BCL2: variants seen among roughly 807,000 people sequenced by gnomAD.
The protein encoded by BCL2 is apoptosis regulator Bcl-2.
BCL2 carries 1 observed loss-of-function variant against 14.2 expected under a neutral mutation model. The ratio of observed to expected loss-of-function variants is 0.07; its 90% CI spans 0.02 to 0.33. BCL2 has a LOEUF of 0.33. BCL2 is among the 10% of genes least tolerant of loss of function. BCL2 has a pLI of 0.99. For synonymous variants in BCL2, 151 were observed against 137.2 expected (o/e 1.10, Z -0.70); for missense variants, 247 against 305.9 (o/e 0.81, Z 1.44).
intron 2 of BCL2, among the ~76,000 whole-genome samples, chr18:63,169,348 T>C (rs1270703965): frequency 5.1e-5 from 3 of 58,470 alleles, no homozygotes; most frequent in African/African-American, 1.8e-4. Flanking sequence ...TTTCTTTCTT[T>C]CTTTCTTTCT....
chr18:63,161,484 C>T (rs532412539), intron 2 of BCL2, among the ~76,000 whole-genome samples: 19 of 152,160 alleles, frequency 1.2e-4, no homozygotes, highest in Non-Finnish European at 2.5e-4. Context: ...GGCCCTTGTA[C>T]TCCAAGACTT....
intron 2 of BCL2, among the ~76,000 whole-genome samples, chr18:63,209,761 T>C (rs914876084): frequency 5.3e-5 from 8 of 151,808 alleles, no homozygotes; most frequent in African/African-American, 1.9e-4. Flanking sequence ...AGCTAAGACC[T>C]AGGCTGGGGC....
intron 2 of BCL2, among the ~76,000 whole-genome samples, chr18:63,288,069 AT>A (rs1280978836): frequency 6.6e-6 from 1 of 152,234 alleles, no homozygotes; most frequent in Non-Finnish European, 1.5e-5. Flanking sequence ...ATTTTGGAAC[AT>A]TTATGTCACC....
chr18:63,179,927 T>C (rs756818617), intron 2 of BCL2, among the ~76,000 whole-genome samples: 5 of 152,222 alleles, frequency 3.3e-5, no homozygotes, highest in Non-Finnish European at 7.3e-5. Flanking sequence ...TGATTGATCA[T>C]TCATTTAGCT....
intron 2 of BCL2, among the ~76,000 whole-genome samples, chr18:63,303,945 T>A (rs978133425): frequency 1.3e-5 from 2 of 152,238 alleles, no homozygotes; most frequent in Non-Finnish European, 2.9e-5. Flanking sequence ...TTTAAACTGA[T>A]GTAAGGGCTA....
At chr18:63,164,837 T>C (rs1390500602) in intron 2 of BCL2, among the ~76,000 whole-genome samples, 3 of 152,216 alleles carry the variant, frequency 2.0e-5, no homozygotes, top group Non-Finnish European at 4.4e-5. Context: ...TTGGTAGCCC[T>C]GTAGATAGAT....
chr18:63,211,578 T>A (rs887550468), intron 2 of BCL2, among the ~76,000 whole-genome samples: 2 of 152,248 alleles, frequency 1.3e-5, no homozygotes, highest in African/African-American at 4.8e-5. Flanking sequence ...TTTTGGTAAC[T>A]CAACACTGTC....
In BCL2 at chr18:63,216,959, G is replaced by A. The variant is rs535693675; in HGVS notation, c.586-88200C>T. On this transcript the variant is annotated intron_variant, in intron 2 of 2. Transcript: ENST00000333681. ...GCCTTTTGTTAGACACATTCAGGGG[G>A]AGGATGGTGGCATCACGTTGAAGAA... 5.9e-5 allele frequency among the ~76,000 whole-genome samples: 9 copies of A among 152,174 alleles called. No homozygotes were observed. In the South Asian group the frequency reaches 1.9e-3, roughly 31 times the overall value.
At chr18:63,217,739 T>C (rs1416848456) in intron 2 of BCL2, among the ~76,000 whole-genome samples, 1 of 152,214 alleles carries the variant, frequency 6.6e-6, no homozygotes, top group Non-Finnish European at 1.5e-5. Context: ...TTTCCTTAAG[T>C]AAAATGCTAA....
intron 2 of BCL2, among the ~76,000 whole-genome samples, chr18:63,157,326 C>A (rs1016884115): frequency 6.6e-6 from 1 of 152,226 alleles, no homozygotes; most frequent in East Asian, 1.9e-4. Context: ...CCCTTCCCAT[C>A]CAAACAAGGA....
intron 2 of BCL2, among the ~76,000 whole-genome samples, chr18:63,297,102 G>T (rs1568261931): frequency 2.0e-5 from 3 of 151,958 alleles, no homozygotes; most frequent in African/African-American, 7.3e-5. Context: ...AGTCCCAGCT[G>T]CTTGGGAGGC....
rs1491465885 is a variant in BCL2 at position 63,266,637 on chromosome 18, T to TCTCTCTCTCTCACACA, written c.585+51444_585+51445insTGTGTGAGAGAGAGAG. ...CTCTCTCTCTCTCTCTCTCTCTCTC[T>TCTCTCTCTCTCACACA]CACACACACACACACACACAAAAAT... On this transcript the variant is annotated intron_variant, in intron 2 of 2. Transcript: ENST00000333681. 2.3e-3 allele frequency among the ~76,000 whole-genome samples: 197 copies of TCTCTCTCTCTCACACA among 85,974 alleles called. 3 individuals carry two copies. The East Asian group carries it at 0.065, about 28-fold the overall frequency. 56.4% of individuals were successfully genotyped at this position (85,974 alleles called of 152,430 possible). A position where few individuals can be genotyped will look rare whatever the true frequency, so the allele number is the denominator to read the frequency against.
chr18:63,258,115 G>A (rs1229802294), intron 2 of BCL2, among the ~76,000 whole-genome samples: 1 of 152,168 alleles, frequency 6.6e-6, no homozygotes, highest in Non-Finnish European at 1.5e-5. Flanking sequence ...GGACACACAG[G>A]GACACAGAGG....
At chr18:63,146,923 G>A (rs1213111016) in intron 2 of BCL2, among the ~76,000 whole-genome samples, 1 of 152,112 alleles carries the variant, frequency 6.6e-6, no homozygotes, top group Non-Finnish European at 1.5e-5. Context: ...CTTTAAATGC[G>A]AAAAAAATAA....
intron 2 of BCL2, among the ~76,000 whole-genome samples, chr18:63,275,468 G>C (rs997323374): frequency 2.0e-5 from 3 of 152,194 alleles, no homozygotes; most frequent in Non-Finnish European, 4.4e-5. Context: ...AAGGATGGAA[G>C]AGAACTTGGA....
Position 63,127,709 on chromosome 18 carries a change from C to T in BCL2, c.*916G>A, listed in dbSNP as rs563834758. The stretch of plus-strand genomic sequence containing the variant: ...GGCCTGATGCTCTGGGTAACTCTAG[C>T]CTTCCTGATGCGGAAGTCACCGAAA... On this transcript the variant is annotated 3_prime_UTR_variant, in exon 3 of 3. Transcript: ENST00000333681. 5 of 227,206 alleles carry T rather than the reference C, an allele frequency of 2.2e-5. No individual in the cohort carries two copies. The highest frequency in any genetic ancestry group is 1.1e-4 in the African/African-American group (5 of 45,110). The allele number at this position is 227,206 out of a possible 1,614,324, so 14.1% of individuals were successfully genotyped here.
chr18:63,266,656 C>CACACACAAAAAA (rs768525120), intron 2 of BCL2, among the ~76,000 whole-genome samples: 1 of 150,344 alleles, frequency 6.7e-6, no homozygotes, highest in African/African-American at 2.5e-5. Flanking sequence ...CACACACACA[C>CACACACAAAAAA]AAAAATATAT....
intron 2 of BCL2, among the ~76,000 whole-genome samples, chr18:63,228,118 A>T (rs2144172130): frequency 6.6e-6 from 1 of 152,294 alleles, no homozygotes; most frequent in East Asian, 1.9e-4. Context: ...TCTTTTTCTT[A>T]AAAGATCACT....
chr18:63,134,367 AGACATGGGCTCCCAG>A (rs1319406703), intron 2 of BCL2, among the ~76,000 whole-genome samples: 1 of 152,178 alleles, frequency 6.6e-6, no homozygotes, highest in Non-Finnish European at 1.5e-5. Flanking sequence ...AGTAGTGGGG[AGACATGGGCTCCCAG>A]GCAGCAGCCA....
Sources: allele counts gnomAD v4.1 joint callset (sites outside exome capture counted in the v4.1 genomes callset), GRCh38; gene constraint gnomAD v4.1.1; transcripts MANE v1.5; gene names NCBI Gene and HGNC (gene_info 2026-07-23, HGNC 2026-07-21).